PDE1C: variants seen among roughly 807,000 people sequenced by gnomAD.
PDE1C encodes dual specificity calcium/calmodulin-dependent 3',5'-cyclic nucleotide phosphodiesterase 1C.
PDE1C carries 62 observed loss-of-function variants against 93.1 expected under a neutral mutation model. The ratio of observed to expected loss-of-function variants is 0.67; its 90% CI spans 0.54 to 0.82. PDE1C has a LOEUF of 0.82. Ranked by LOEUF, PDE1C falls within the 40% of genes least tolerant of loss-of-function variation. The pLI, the probability that PDE1C is intolerant of heterozygous loss-of-function variation, is 0.00. For missense variants in PDE1C, 742 were observed against 884.6 expected (o/e 0.84, Z 2.04); for synonymous variants, 325 against 310.1 (o/e 1.05, Z -0.50).
intron 2 of PDE1C, among the ~76,000 whole-genome samples, chr7:31,917,110 T>C (rs1191730966): frequency 1.3e-5 from 2 of 151,960 alleles, no homozygotes; most frequent in Non-Finnish European, 2.9e-5. Flanking sequence ...ATACCTCCTA[T>C]CCAGCCACAG....
In PDE1C at chr7:32,070,322, G is replaced by T. The variant is rs1169149888; in HGVS notation, c.72C>A (p.Ile24=). The stretch of plus-strand genomic sequence containing the variant: ...CGCGGAGCCGAAGCCAGATTTTCTC[G>T]ATCTGTTCCGGTTGCAGGTATTTCA... The part of the protein sequence containing the change: ...NSLKYLQPEQ[I]EKIWLRLRGL... Residue 24 remains isoleucine, a synonymous_variant, in exon 1 of 18, where the codon ATC becomes ATA. Transcript: ENST00000396191. 3.1e-6 allele frequency: 5 copies of T among 1,614,066 alleles called. No homozygotes were observed. The highest frequency in any genetic ancestry group is 4.2e-6 in the Non-Finnish European group (5 of 1,180,036).
the PDE1C span, among the ~76,000 whole-genome samples, chr7:31,694,432 T>G: frequency 8.4e-6 from 1 of 119,224 alleles, no homozygotes; most frequent in Non-Finnish European, 1.7e-5. Context: ...AATATTAATA[T>G]TATCTCCACT....
chr7:32,005,558 A>AC, intron 2 of PDE1C, among the ~76,000 whole-genome samples: 1 of 112,924 alleles, frequency 8.9e-6, no homozygotes, highest in East Asian at 2.0e-4. Context: ...TCCATTTCAA[A>AC]AAAAAAAAAA....
chr7:32,371,424 T>A (rs1784331291), intron 1 of PDE1C, among the ~76,000 whole-genome samples: 1 of 152,210 alleles, frequency 6.6e-6, no homozygotes, highest in Admixed American at 6.5e-5. Flanking sequence ...TGCCCCTGGT[T>A]TATATATCCA....
chr7:31,666,365 G>A, the PDE1C span, among the ~76,000 whole-genome samples: 14 of 152,144 alleles, frequency 9.2e-5, no homozygotes, highest in East Asian at 3.9e-4. Context: ...TTCTCATACC[G>A]TCCTTTAAAT....
chr7:31,652,568 T>C, the PDE1C span: 31 of 1,610,794 alleles, frequency 1.9e-5, no homozygotes, highest in Admixed American at 4.9e-4. Context: ...CAAATCTGCA[T>C]CAATATAACT....
chr7:32,065,088 G>T (rs1225352600), intron 1 of PDE1C, among the ~76,000 whole-genome samples: 4 of 150,976 alleles, frequency 2.6e-5, no homozygotes, highest in Non-Finnish European at 5.9e-5. Flanking sequence ...CAGTGAGGGG[G>T]AGGTGGTGAG....
chr7:31,945,759 C>A (rs1345902036), intron 2 of PDE1C, among the ~76,000 whole-genome samples: 3 of 152,114 alleles, frequency 2.0e-5, no homozygotes, highest in African/African-American at 7.2e-5. Context: ...TCAAATATTT[C>A]TTCTACTCCA....
At chr7:31,984,829 T>C (rs1783152406) in intron 2 of PDE1C, among the ~76,000 whole-genome samples, 1 of 152,172 alleles carries the variant, frequency 6.6e-6, no homozygotes. Flanking sequence ...TCTTGCCATG[T>C]GGAACCATAA....
the PDE1C span, among the ~76,000 whole-genome samples, chr7:31,647,352 G>T: frequency 1.3e-5 from 2 of 152,120 alleles, no homozygotes; most frequent in Non-Finnish European, 2.9e-5. Context: ...TATAAGCAGA[G>T]ATGGACATCT....
At chr7:31,982,608 G>A (rs926292105) in intron 2 of PDE1C, among the ~76,000 whole-genome samples, 2 of 151,806 alleles carry the variant, frequency 1.3e-5, no homozygotes, top group Admixed American at 1.3e-4. Context: ...GAAAATCTGA[G>A]TGACAAGCCA....
chr7:31,997,539 G>T (rs1002932075), intron 2 of PDE1C, among the ~76,000 whole-genome samples: 3 of 152,210 alleles, frequency 2.0e-5, no homozygotes, highest in Non-Finnish European at 4.4e-5. Context: ...AACCTGGGGG[G>T]ATGGTAGCTG....
chr7:31,858,606 C>T (rs1374143084), intron 7 of PDE1C, among the ~76,000 whole-genome samples: 2 of 151,984 alleles, frequency 1.3e-5, no homozygotes, highest in African/African-American at 4.8e-5. Context: ...TAATATGTTA[C>T]CTTATGTTAT....
At chr7:31,676,987 T>C in the PDE1C span, among the ~76,000 whole-genome samples, 2 of 152,354 alleles carry the variant, frequency 1.3e-5, no homozygotes, top group South Asian at 2.1e-4. Flanking sequence ...AAGAATGTCC[T>C]GATTTGGTAA....
intron 1 of PDE1C, among the ~76,000 whole-genome samples, chr7:32,339,048 A>ACAC (rs1554308604): frequency 3.3e-5 from 5 of 149,594 alleles, no homozygotes; most frequent in African/African-American, 1.2e-4. Context: ...ACACACACAC[A>ACAC]AAGAGTATTA....
intron 1 of PDE1C, among the ~76,000 whole-genome samples, chr7:32,239,540 T>C (rs1424330274): frequency 6.6e-6 from 1 of 152,164 alleles, no homozygotes; most frequent in African/African-American, 2.4e-5. Context: ...CTTTTTAAAA[T>C]TAGATAAAGT....
At chr7:31,844,093 T>G (rs946091634) in intron 9 of PDE1C, among the ~76,000 whole-genome samples, 2 of 151,848 alleles carry the variant, frequency 1.3e-5, no homozygotes, top group Admixed American at 6.6e-5. Context: ...TTGTAATTTT[T>G]GCTTCAAATG....
intron 3 of PDE1C, among the ~76,000 whole-genome samples, chr7:32,093,372 C>T (rs1797577692): frequency 1.3e-5 from 2 of 152,226 alleles, no homozygotes; most frequent in African/African-American, 4.8e-5. Context: ...TTTCCAAAAT[C>T]CCATTCCCTT....
the PDE1C span, among the ~76,000 whole-genome samples, chr7:31,741,986 T>A: frequency 6.6e-6 from 1 of 152,208 alleles, no homozygotes. Context: ...GCCCACTGGA[T>A]GAGAGCTCCG....
Sources: allele counts gnomAD v4.1 joint callset (sites outside exome capture counted in the v4.1 genomes callset), GRCh38; gene constraint gnomAD v4.1.1; transcripts MANE v1.5; gene names NCBI Gene and HGNC (gene_info 2026-07-23, HGNC 2026-07-21).